The following CPEB3 variants were observed in gnomAD, a reference collection of about 807,000 sequenced individuals.
CPEB3 encodes the protein cytoplasmic polyadenylation element-binding protein 3.
Under a neutral mutation model 67.2 loss-of-function variants are expected in CPEB3, and 20 were observed. The observed-to-expected ratio is 0.30, with a 90% confidence interval of 0.21 to 0.43. The LOEUF is 0.43. Among genes scored for constraint, CPEB3 ranks in the 20% least tolerant of loss-of-function variants. The probability of loss-of-function intolerance (pLI) is 1.00; values close to 1 mark genes in which losing one functional copy is unlikely to be tolerated. For missense variants in CPEB3, 746 were observed against 968.6 expected, an observed-to-expected ratio of 0.77 and a Z score of 3.05; for synonymous variants, 376 against 393.1, an observed-to-expected ratio of 0.96 and a Z score of 0.51.
At chr10:92,106,534 G>A (rs1007717485) in intron 7 of CPEB3, among the ~76,000 whole-genome samples, 1 of 152,186 alleles carries the variant, frequency 6.6e-6, no homozygotes, top group African/African-American at 2.4e-5. Flanking sequence ...GAGATGGGAG[G>A]CCAGGTGCGG....
At chr10:92,230,195 C>G (rs1456183577) in intron 2 of CPEB3, among the ~76,000 whole-genome samples, 1 of 152,156 alleles carries the variant, frequency 6.6e-6, no homozygotes, top group Non-Finnish European at 1.5e-5. Flanking sequence ...CACTTCCAGG[C>G]ACTGATTTAT....
intron 4 of CPEB3, among the ~76,000 whole-genome samples, chr10:92,168,147 A>G (rs932318795): frequency 3.3e-5 from 5 of 152,218 alleles, no homozygotes; most frequent in Non-Finnish European, 5.9e-5. Context: ...AAAATGATAC[A>G]TGCCTATAGG....
At position 92,087,165 on chromosome 10, in the gene CPEB3, A is replaced by G. The variant is rs373093702; in HGVS notation, c.1687+4665T>C. Reference sequence around the variant, plus strand: ...TGTTTATATAAAATGTCTGAAATAAATGATCTTAGAAAAATTCAGGATATA... The same window carrying G: ...TGTTTATATAAAATGTCTGAAATAAGTGATCTTAGAAAAATTCAGGATATA... On this transcript the variant is annotated intron_variant, in intron 8 of 9. Coordinates refer to ENST00000265997, the MANE Select transcript of CPEB3 (RefSeq NM_014912.5). Among the ~76,000 whole-genome samples the G allele has an allele frequency of 7.9e-5, 12 of 152,328 alleles. No homozygotes were observed. The East Asian group carries it at 1.2e-3, about 15-fold the overall frequency.
At chr10:92,281,132 C>T (rs1398090220) in intron 1 of CPEB3, among the ~76,000 whole-genome samples, 1 of 151,268 alleles carries the variant, frequency 6.6e-6, no homozygotes, top group African/African-American at 2.4e-5. Context: ...TTCTTTTTCC[C>T]CAATTTAAAG....
chr10:92,084,103 T>G (rs1420940987), intron 8 of CPEB3, among the ~76,000 whole-genome samples: 3 of 145,958 alleles, frequency 2.1e-5, no homozygotes, highest in Non-Finnish European at 4.4e-5. Context: ...AGCTGGACCT[T>G]GCAGTGAGCC....
At chr10:92,139,151 C>T (rs1846260701) in intron 6 of CPEB3, among the ~76,000 whole-genome samples, 2 of 152,016 alleles carry the variant, frequency 1.3e-5, no homozygotes, top group Non-Finnish European at 2.9e-5. Flanking sequence ...ATGGCACAGG[C>T]CTGTAATCCC....
chr10:92,275,599 T>G lies in CPEB3; in HGVS notation c.-12+15327A>C, dbSNP rs1841941375. The stretch of plus-strand genomic sequence containing the variant: ...CAGTGGCTTTTAGTATATTCAGAGT[T>G]GTGCAACAATCACTATAATCAATTT... On this transcript the variant is annotated intron_variant, in intron 1 of 9. Coordinates refer to ENST00000265997, the MANE Select transcript of CPEB3 (RefSeq NM_014912.5). Among the ~76,000 whole-genome samples the G allele has an allele frequency of 2.0e-5, 3 of 152,148 alleles. No individual in the cohort carries two copies. The South Asian group carries it at 6.2e-4, about 32-fold the overall frequency.
intron 8 of CPEB3, 79 bp from the exon 9 acceptor site, chr10:92,081,580 G>A: frequency 8.0e-7 from 1 of 1,254,178 alleles, no homozygotes; most frequent in South Asian, 1.4e-5. Flanking sequence ...GAATTATTTA[G>A]AGATCATGCA....
At chr10:92,263,978 A>T (rs1303220912) in intron 1 of CPEB3, among the ~76,000 whole-genome samples, 2 of 152,158 alleles carry the variant, frequency 1.3e-5, no homozygotes, top group African/African-American at 4.8e-5. Flanking sequence ...TCCTCATAAT[A>T]ACCCTAAAAG....
chr10:92,285,069 G>A (rs540393885), intron 1 of CPEB3, among the ~76,000 whole-genome samples: 30 of 152,300 alleles, frequency 2.0e-4, no homozygotes, highest in South Asian at 6.2e-4. Flanking sequence ...TATGGCAGAA[G>A]GAATCACATG....
intron 8 of CPEB3, among the ~76,000 whole-genome samples, chr10:92,085,318 A>G (rs1843326409): frequency 1.3e-5 from 2 of 152,172 alleles, no homozygotes; most frequent in Admixed American, 1.3e-4. Context: ...TCTAATAGCT[A>G]TGGTTCAAGG....
chr10:92,212,376 A>G (rs1850140655), intron 2 of CPEB3, among the ~76,000 whole-genome samples: 1 of 151,334 alleles, frequency 6.6e-6, no homozygotes, highest in Non-Finnish European at 1.5e-5. Context: ...TCAGCCTCCC[A>G]AGTAGCTGGG....
chr10:92,276,596 C>T (rs1187381544), intron 1 of CPEB3, among the ~76,000 whole-genome samples: 1 of 152,096 alleles, frequency 6.6e-6, no homozygotes, highest in Non-Finnish European at 1.5e-5. Flanking sequence ...CTGCTATTAA[C>T]ATTCATGTGA....
At chr10:92,209,004 G>A (rs1849934992) in intron 2 of CPEB3, among the ~76,000 whole-genome samples, 1 of 152,094 alleles carries the variant, frequency 6.6e-6, no homozygotes, top group Non-Finnish European at 1.5e-5. Context: ...TAGATCACTA[G>A]CTTCTTGTAG....
chr10:92,268,368 C>G (rs1331574982), intron 1 of CPEB3, among the ~76,000 whole-genome samples: 2 of 152,126 alleles, frequency 1.3e-5, no homozygotes, highest in African/African-American at 4.8e-5. Context: ...TGGCTCACAC[C>G]TGTAATCTCA....
At chr10:92,238,024 C>T (rs115373157) in intron 2 of CPEB3, among the ~76,000 whole-genome samples, 1,983 of 152,294 alleles carry the variant, frequency 0.013, 47 homozygotes, top group African/African-American at 0.046. Flanking sequence ...ATGGGAGCCA[C>T]TCCAAACATC....
chr10:92,272,140 ATTTT>A (rs1336082655), intron 1 of CPEB3: 1 of 151,946 alleles, frequency 6.6e-6, no homozygotes, highest in African/African-American at 2.4e-5. Context: ...TGGCCCCATA[ATTTT>A]TTTTAAGACT....
chr10:92,192,413 T>C (rs747618436), intron 3 of CPEB3, 64 bp downstream of exon 3: 34 of 1,457,832 alleles, frequency 2.3e-5, no homozygotes, highest in Non-Finnish European at 3.1e-5. Context: ...AAAATCAAAA[T>C]TATTAAAAAG....
intron 1 of CPEB3, among the ~76,000 whole-genome samples, chr10:92,244,739 G>A (rs1055031773): frequency 6.6e-6 from 1 of 152,056 alleles, no homozygotes; most frequent in African/African-American, 2.4e-5. Context: ...ACCTGGCCAA[G>A]TTTCTATTAA....
Sources: allele counts gnomAD v4.1 joint callset (sites outside exome capture counted in the v4.1 genomes callset), GRCh38; gene constraint gnomAD v4.1.1; transcripts MANE v1.5; gene names NCBI Gene and HGNC (gene_info 2026-07-23, HGNC 2026-07-21).